Variants in ARFGEF2 observed in about 807,000 individuals in gnomAD.
The protein encoded by ARFGEF2 is brefeldin A-inhibited guanine nucleotide-exchange protein 2.
In ARFGEF2, 74 loss-of-function variants were observed where a neutral mutation model predicts 219.9. That is an observed-to-expected ratio of 0.34 (90% CI 0.28 to 0.41). The LOEUF (loss-of-function observed/expected upper bound fraction) is 0.41, where lower values mean the gene tolerates loss of function less well. Among genes scored for constraint, ARFGEF2 ranks in the 10% least tolerant of loss-of-function variants. ARFGEF2 has a pLI of 1.00. For synonymous variants in ARFGEF2, 733 were observed against 799.2 expected, an observed-to-expected ratio of 0.92 and a Z score of 1.40; for missense variants, 1,743 against 2,218.3, an observed-to-expected ratio of 0.79 and a Z score of 4.30.
intron 14 of ARFGEF2, among the ~76,000 whole-genome samples, chr20:48,979,174 T>C (rs1041300643): frequency 6.6e-6 from 1 of 152,242 alleles, no homozygotes; most frequent in Admixed American, 6.5e-5. Context: ...ATTGAGAGTT[T>C]TTAGCATGAA....
chr20:49,023,467 T>G (rs1358015072), intron 35 of ARFGEF2, among the ~76,000 whole-genome samples: 1 of 152,122 alleles, frequency 6.6e-6, no homozygotes, highest in Non-Finnish European at 1.5e-5. Context: ...GCCACCCCAC[T>G]AGTGTTAGTT....
rs776828829 is a variant in ARFGEF2, at chr20:48,972,436, C to G, written c.1525+11C>G. ...CGAGGATCTGTGCAGGTATTTCCACCTGGGGACACTCATCCACTGGACTTC... is the reference window on the plus strand; with the variant it reads ...CGAGGATCTGTGCAGGTATTTCCACGTGGGGACACTCATCCACTGGACTTC... On this transcript the variant is annotated intron_variant, in intron 11 of 38. Coordinates refer to ENST00000371917, the MANE Select transcript of ARFGEF2 (RefSeq NM_006420.3). The G allele has an allele frequency of 3.1e-6, 5 of 1,595,098 alleles. No individual in the cohort carries two copies. The highest frequency in any genetic ancestry group is 1.7e-5 in the Admixed American group (1 of 59,982).
At chr20:48,964,404 C>CA (rs1261023398) in intron 7 of ARFGEF2, among the ~76,000 whole-genome samples, 1 of 151,650 alleles carries the variant, frequency 6.6e-6, no homozygotes, top group East Asian at 1.9e-4. Context: ...GACTCCATCT[C>CA]AAAAAAAAGA....
intron 4 of ARFGEF2, among the ~76,000 whole-genome samples, chr20:48,951,830 A>C (rs572323236): frequency 6.6e-6 from 1 of 152,106 alleles, no homozygotes; most frequent in Non-Finnish European, 1.5e-5. Context: ...TCCCTGTTCG[A>C]TTTCTGCTGC....
chr20:48,985,342 C>T (rs868702217), intron 15 of ARFGEF2, 66 bp from the exon 16 acceptor site: 3 of 1,551,984 alleles, frequency 1.9e-6, no homozygotes, highest in Middle Eastern at 1.7e-4. Flanking sequence ...CACCCTTTGG[C>T]TGCTGGCTTT....
rs1239904742 is a variant in ARFGEF2, at chr20:49,034,884, A to C, written c.*1685A>C. On this transcript the variant is annotated 3_prime_UTR_variant, in exon 39 of 39. Transcript: ENST00000371917. The stretch of plus-strand genomic sequence containing the variant: ...TTTTTTAATTTCTCTACCAAAGAAA[A>C]AATGAGCAGGTTTAGGTTTTTACAT... 1 of 152,208 alleles carries C rather than the reference A, an allele frequency of 6.6e-6. No homozygotes were observed. The highest frequency in any genetic ancestry group is 1.5e-5 in the Non-Finnish European group (1 of 68,042). The allele number at this position is 152,208 out of a possible 1,614,324, so 9.4% of individuals were successfully genotyped here. A position where few individuals can be genotyped will look rare whatever the true frequency, so the allele number is the denominator to read the frequency against.
intron 34 of ARFGEF2, among the ~76,000 whole-genome samples, chr20:49,020,925 C>T (rs1467327433): frequency 6.6e-6 from 1 of 152,194 alleles, no homozygotes; most frequent in African/African-American, 2.4e-5. Flanking sequence ...CCCAGTCTCC[C>T]AGCTCAGCCA....
At chr20:49,001,165 A>G (rs189319908) in intron 25 of ARFGEF2, among the ~76,000 whole-genome samples, 6 of 139,340 alleles carry the variant, frequency 4.3e-5, no homozygotes, top group East Asian at 4.2e-4. Context: ...GGTTCAAGCT[A>G]TTCTCCTGGG....
rs1568748676 is a variant in ARFGEF2 at position 49,032,121 on chromosome 20, C to T, written c.5136C>T (p.Leu1712=). ...GCCATCGGGAGGCCTGGACAAGTCT[C>T]TTGTTGTTACTTCTAACTAAAACCC... ...SESHREAWTS[L]LLLLLTKTLK... is the part of the protein sequence containing the mutation. The change falls in exon 38 of 39, where the codon CTC becomes CTT. Residue 1712 remains leucine (L), a synonymous_variant. Coordinates refer to ENST00000371917, the MANE Select transcript of ARFGEF2 (RefSeq NM_006420.3). 1 of 1,613,998 alleles carries T rather than the reference C, an allele frequency of 6.2e-7. No individual in the cohort carries two copies. The highest frequency in any genetic ancestry group is 8.5e-7 in the Non-Finnish European group (1 of 1,179,962).
rs2091651900 is a variant in ARFGEF2, at chr20:49,033,916, C to G, written c.*717C>G. ...TTTTAGTAACATGGAGAGAAAAAGT[C>G]TACACGAAAAAGTGAACAATTTAAT... is the stretch of plus-strand genomic sequence containing the variant. On this transcript the variant is annotated 3_prime_UTR_variant, in exon 39 of 39. Coordinates refer to ENST00000371917, the MANE Select transcript of ARFGEF2 (RefSeq NM_006420.3). 6.6e-6 allele frequency: 1 copy of G among 152,212 alleles called. No individual in the cohort carries two copies. Among genetic ancestry groups the G allele is most frequent in the African/African-American group, 2.4e-5 (1 of 41,420 alleles). The allele number at this position is 152,212 out of a possible 1,614,324, so 9.4% of individuals were successfully genotyped here.
rs1163314127 is a variant in ARFGEF2 at position 48,986,613 on chromosome 20, C to CA, written c.2276+1011dup. ...TGGATGACAGAGGCAGACTCTGTCT[C>CA]AAAAAAAAAAACTCATGTTCTCTCC... On this transcript the variant is annotated intron_variant, in intron 16 of 38. Coordinates refer to ENST00000371917, the MANE Select transcript of ARFGEF2 (RefSeq NM_006420.3). Among the ~76,000 whole-genome samples the CA allele has an allele frequency of 2.4e-3, 335 of 141,554 alleles. 1 individual carries two copies. The highest frequency in any genetic ancestry group is 7.2e-3 in the Middle Eastern group (2 of 276). 92.9% of individuals were successfully genotyped at this position (141,554 alleles called of 152,430 possible).
chr20:48,989,287 G>A lies in ARFGEF2; in HGVS notation c.2536G>A (p.Val846Ile), dbSNP rs2091343888. The A allele has an allele frequency of 6.2e-7, 1 of 1,614,206 alleles. No individual in the cohort carries two copies. The highest frequency in any genetic ancestry group is 8.5e-7 in the Non-Finnish European group (1 of 1,180,022). Residue 846 changes from valine (V) to isoleucine (I), a missense_variant and splice_region_variant, in exon 19 of 39, where the codon GTA becomes ATA. This residue lies in a region of ARFGEF2 where 666 missense variants were observed against 955.4 expected (regional missense o/e 0.70). Coordinates refer to ENST00000371917, the MANE Select transcript of ARFGEF2 (RefSeq NM_006420.3). ...CCTATCATGCTCTTACTTTACAGAT[G>A]TAGCTAGTGAAAAGCAGCGGCGGCT... is the stretch of plus-strand genomic sequence containing the variant. ...TIATKSTKQN[V>I]ASEKQRRLLY...
chr20:48,993,445 G>A (rs1325991831), intron 21 of ARFGEF2, among the ~76,000 whole-genome samples: 1 of 152,180 alleles, frequency 6.6e-6, no homozygotes, highest in Non-Finnish European at 1.5e-5. Flanking sequence ...GTGGAATTAA[G>A]TCTATTTCTC....
intron 1 of ARFGEF2, among the ~76,000 whole-genome samples, chr20:48,935,363 A>T (rs1158601714): frequency 1.3e-5 from 2 of 152,050 alleles, no homozygotes; most frequent in East Asian, 1.9e-4. Flanking sequence ...TAATCCATTC[A>T]ACCCTGAGTG....
intron 1 of ARFGEF2, among the ~76,000 whole-genome samples, chr20:48,935,622 C>T (rs905305739): frequency 1.3e-5 from 2 of 152,306 alleles, no homozygotes; most frequent in East Asian, 1.9e-4. Context: ...ACCTTGCAGA[C>T]GGGGTGGTGG....
chr20:48,971,477 T>TG, intron 10 of ARFGEF2, 123 bp downstream of exon 10: 1 of 914,222 alleles, frequency 1.1e-6, no homozygotes, highest in Non-Finnish European at 1.7e-6. Flanking sequence ...TTCATGAAAA[T>TG]GTTTCATATC....
intron 14 of ARFGEF2, among the ~76,000 whole-genome samples, chr20:48,980,717 A>T (rs967854593): frequency 6.6e-6 from 1 of 152,112 alleles, no homozygotes; most frequent in Non-Finnish European, 1.5e-5. Flanking sequence ...TGTTGAATTG[A>T]TCCCTTTACC....
In ARFGEF2 at chr20:48,988,638, A is replaced by T; in HGVS notation, c.2509A>T (p.Ile837Phe). 1 of 1,613,544 alleles carries T rather than the reference A, an allele frequency of 6.2e-7. No individual in the cohort carries two copies. Among genetic ancestry groups the T allele is most frequent in the South Asian group, 1.1e-5 (1 of 90,926 alleles). ...AATGAAAGAAACAAAAGAGCTAACG[A>T]TTGCAACCAAATCTACTAAGCAGAG... is the stretch of plus-strand genomic sequence containing the variant. ...IAMKETKELT[I>F]ATKSTKQNVA... The change falls in exon 18 of 39, where the codon ATT becomes TTT. Residue 837 changes from isoleucine to phenylalanine, a missense_variant. By Grantham distance (21) the Ile-to-Phe change is conservative. Around this residue, in one of 5 missense-constraint regions of ARFGEF2, gnomAD observed 666 missense variants for 955.4 expected, o/e 0.70. Coordinates refer to ENST00000371917, the MANE Select transcript of ARFGEF2 (RefSeq NM_006420.3).
chr20:48,997,597 TTC>T, intron 23 of ARFGEF2, among the ~76,000 whole-genome samples: 1 of 152,252 alleles, frequency 6.6e-6, no homozygotes, highest in East Asian at 1.9e-4. Context: ...ATGTGTCACT[TTC>T]TCTTCTGCTC....
Sources: allele counts gnomAD v4.1 joint callset (sites outside exome capture counted in the v4.1 genomes callset), GRCh38; gene constraint gnomAD v4.1.1; regional missense constraint gnomAD v4.1.1; transcripts MANE v1.5; gene names NCBI Gene and HGNC (gene_info 2026-07-23, HGNC 2026-07-21).